UGT8: variants seen among roughly 807,000 people sequenced by gnomAD.
The protein encoded by UGT8 is UDP glycosyltransferase 8.
UGT8 carries 12 observed loss-of-function variants against 40.5 expected under a neutral mutation model. The ratio of observed to expected loss-of-function variants is 0.30; its 90% CI spans 0.19 to 0.48. The LOEUF is 0.48. Ranked by LOEUF, UGT8 falls within the 20% of genes least tolerant of loss-of-function variation. The pLI, the probability that UGT8 is intolerant of heterozygous loss-of-function variation, is 0.99. For synonymous variants in UGT8, 224 were observed against 240.4 expected, an observed-to-expected ratio of 0.93 and a Z score of 0.63; for missense variants, 513 against 648.7, an observed-to-expected ratio of 0.79 and a Z score of 2.27.
intron 1 of UGT8, among the ~76,000 whole-genome samples, 197 bp downstream of exon 1, chr4:114,599,171 G>A (rs1730279614): frequency 6.6e-6 from 1 of 152,064 alleles, no homozygotes; most frequent in Non-Finnish European, 1.5e-5. Flanking sequence ...GCGGGGTAGG[G>A]AGAAAGGCTA....
chr4:114,632,728 G>A (rs1017286043), intron 2 of UGT8, among the ~76,000 whole-genome samples: 9 of 152,172 alleles, frequency 5.9e-5, no homozygotes, highest in Non-Finnish European at 1.2e-4. Flanking sequence ...AATACTGAGG[G>A]ATCTCAGGTC....
In UGT8 at chr4:114,646,298, A is replaced by G. The variant is rs555536700; in HGVS notation, c.823-17697A>G. ...ACATAAACTATTTGTTTGAAATTCAATGTGAAAAAAGCTGCTAATTTAAGG... is the reference window on the plus strand; with the variant it reads ...ACATAAACTATTTGTTTGAAATTCAGTGTGAAAAAAGCTGCTAATTTAAGG... On this transcript the variant is annotated intron_variant, in intron 2 of 5. Transcript: ENST00000310836. 3.9e-5 allele frequency among the ~76,000 whole-genome samples: 6 copies of G among 152,094 alleles called. 1 individual carries two copies. In the South Asian group the frequency reaches 1.2e-3, roughly 32 times the overall value.
chr4:114,599,498 G>A (rs560058965), intron 1 of UGT8, among the ~76,000 whole-genome samples: 1 of 152,202 alleles, frequency 6.6e-6, no homozygotes, highest in Non-Finnish European at 1.5e-5. Flanking sequence ...GGGATGTGTT[G>A]GGGGTGGGGA....
intron 3 of UGT8, chr4:114,665,276 G>T (rs1265154006): frequency 5.6e-6 from 3 of 537,396 alleles, no homozygotes; most frequent in Non-Finnish European, 7.1e-6. Flanking sequence ...GGGTGTTAAG[G>T]ATTTAGGGAT....
At chr4:114,607,066 A>G (rs980891931) in intron 1 of UGT8, among the ~76,000 whole-genome samples, 1 of 152,184 alleles carries the variant, frequency 6.6e-6, no homozygotes, top group African/African-American at 2.4e-5. Flanking sequence ...AAAGTGTTAG[A>G]GTCATACAGC....
chr4:114,622,777 G>A, intron 1 of UGT8, 102 bp from the exon 2 acceptor site: 1 of 1,069,740 alleles, frequency 9.3e-7, no homozygotes, highest in South Asian at 1.7e-5. Flanking sequence ...TTTAGACAAA[G>A]TATTAGATCA....
chr4:114,675,537 G>A (rs967082390), intron 5 of UGT8, among the ~76,000 whole-genome samples: 5 of 151,420 alleles, frequency 3.3e-5, no homozygotes, highest in Admixed American at 2.6e-4. Flanking sequence ...TCAGGAGATT[G>A]AGACCATCCC....
chr4:114,607,139 T>G (rs768101022), intron 1 of UGT8, among the ~76,000 whole-genome samples: 2 of 152,214 alleles, frequency 1.3e-5, no homozygotes, highest in Non-Finnish European at 2.9e-5. Flanking sequence ...ATTCTGCCCC[T>G]GAAGCATAGC....
chr4:114,607,227 G>C (rs1043046466), intron 1 of UGT8, among the ~76,000 whole-genome samples: 4 of 152,198 alleles, frequency 2.6e-5, no homozygotes, highest in African/African-American at 9.7e-5. Flanking sequence ...TGACAATCCA[G>C]TCTGGGGAAT....
chr4:114,656,551 G>T (rs1301516353), intron 2 of UGT8, among the ~76,000 whole-genome samples: 1 of 152,098 alleles, frequency 6.6e-6, no homozygotes, highest in Non-Finnish European at 1.5e-5. Context: ...TTTATTAAAA[G>T]AAATAAGTAT....
chr4:114,674,098 A>T (rs1735468883), intron 5 of UGT8, among the ~76,000 whole-genome samples: 1 of 152,166 alleles, frequency 6.6e-6, no homozygotes, highest in Admixed American at 6.5e-5. Context: ...TTAGGTCTAG[A>T]GTGAAATCAT....
intron 2 of UGT8, among the ~76,000 whole-genome samples, chr4:114,624,599 C>T (rs1028013937): frequency 6.6e-6 from 1 of 152,080 alleles, no homozygotes. Context: ...TTGTTGATTT[C>T]TAGTTCTGGT....
intron 2 of UGT8, among the ~76,000 whole-genome samples, chr4:114,640,282 G>C (rs929813012): frequency 6.6e-6 from 1 of 151,304 alleles, no homozygotes. Context: ...CGCCCGCCTC[G>C]GCCTCCCAAA....
chr4:114,647,221 A>G (rs781536079), intron 2 of UGT8, among the ~76,000 whole-genome samples: 16 of 152,140 alleles, frequency 1.1e-4, no homozygotes, highest in Non-Finnish European at 2.4e-4. Flanking sequence ...TTCCTTCCTG[A>G]GGATCTATAG....
intron 1 of UGT8, among the ~76,000 whole-genome samples, chr4:114,621,687 A>G (rs959124687): frequency 3.9e-5 from 6 of 152,328 alleles, no homozygotes; most frequent in African/African-American, 9.6e-5. Flanking sequence ...TAGATATTTC[A>G]TAGATATTCT....
intron 1 of UGT8, 24 bp from the exon 2 acceptor site, chr4:114,622,850 TTTAAG>T: frequency 5.1e-6 from 8 of 1,562,482 alleles, no homozygotes; most frequent in Non-Finnish European, 6.1e-6. Context: ...TGTATTTTGT[TTTAAG>T]TTGTTTTCTG....
chr4:114,647,082 A>C (rs1308025423), intron 2 of UGT8, among the ~76,000 whole-genome samples: 3 of 152,170 alleles, frequency 2.0e-5, no homozygotes, highest in Admixed American at 6.5e-5. Context: ...TTCAGTGGTA[A>C]ATAATTTATT....
chr4:114,621,987 G>A (rs1731827037), intron 1 of UGT8, among the ~76,000 whole-genome samples: 1 of 151,770 alleles, frequency 6.6e-6, no homozygotes, highest in Admixed American at 6.6e-5. Context: ...AAGTTTTAGG[G>A]TACATGTGCA....
At position 114,623,279 on chromosome 4, in the gene UGT8, C is replaced by T. The variant is rs753087386; in HGVS notation, c.399C>T (p.Asp133=). The stretch of plus-strand genomic sequence containing the variant: ...AGGGTCTGAAGAAAGAAAAATTTGA[C>T]CTGCTGCTGGTGGACCCTAATGATA... ...LIQGLKKEKF[D]LLLVDPNDMC... The change falls in exon 2 of 6, where the codon GAC becomes GAT. Residue 133 remains aspartate, a synonymous_variant. Transcript: ENST00000310836. 9.9e-6 allele frequency: 16 copies of T among 1,614,030 alleles called. No homozygotes were observed. In the Admixed American group the frequency reaches 1.7e-4, roughly 17 times the overall value.
Sources: allele counts gnomAD v4.1 joint callset (sites outside exome capture counted in the v4.1 genomes callset), GRCh38; gene constraint gnomAD v4.1.1; transcripts MANE v1.5; gene names NCBI Gene and HGNC (gene_info 2026-07-23, HGNC 2026-07-21).